NVL: variants seen among roughly 807,000 people sequenced by gnomAD.
The protein encoded by NVL is nuclear valosin-containing protein-like.
NVL carries 84 observed loss-of-function variants against 110.2 expected under a neutral mutation model. The ratio of observed to expected loss-of-function variants is 0.76; its 90% CI spans 0.64 to 0.91. The LOEUF is 0.91. Ranked by LOEUF, NVL falls within the 40% of genes least tolerant of loss-of-function variation. The probability of loss-of-function intolerance (pLI) is 0.00; values close to 1 mark genes in which losing one functional copy is unlikely to be tolerated. For synonymous variants in NVL, 354 were observed against 361.1 expected, an observed-to-expected ratio of 0.98 and a Z score of 0.22; for missense variants, 882 against 1,035.9, an observed-to-expected ratio of 0.85 and a Z score of 2.04.
chr1:224,263,317 T>G (rs1664165329), intron 18 of NVL, among the ~76,000 whole-genome samples: 1 of 152,230 alleles, frequency 6.6e-6, no homozygotes, highest in African/African-American at 2.4e-5. Flanking sequence ...GTAGGGCTGT[T>G]GTGAGGTTTA....
intron 14 of NVL, among the ~76,000 whole-genome samples, chr1:224,286,625 A>G (rs1666898760): frequency 6.6e-6 from 1 of 152,234 alleles, no homozygotes; most frequent in Non-Finnish European, 1.5e-5. Flanking sequence ...TTTATACTTG[A>G]ACATAATGTC....
chr1:224,233,568 A>G (rs1660144773), intron 20 of NVL, among the ~76,000 whole-genome samples: 1 of 152,056 alleles, frequency 6.6e-6, no homozygotes, highest in African/African-American at 2.4e-5. Context: ...GACTAGTCTC[A>G]GCAATATGGA....
chr1:224,301,678 C>T, intron 9 of NVL: 1 of 356,790 alleles, frequency 2.8e-6, no homozygotes, highest in Non-Finnish European at 5.5e-6. Context: ...TGCATGCCTG[C>T]AGTCCCAGTT....
chr1:224,267,906 AT>A lies in NVL; in HGVS notation c.2182+127del, dbSNP rs1320324591. ...CCAAATTTAATCTTCCTTTCCTAGG[AT>A]GCATGTGAATTATATTGTTTATAAA... On this transcript the variant is annotated intron_variant, in intron 18 of 22. Transcript: ENST00000281701. 71 of 640,168 alleles carry A rather than the reference AT, an allele frequency of 1.1e-4. No individual in the cohort carries two copies. The Middle Eastern group carries it at 2.3e-3, about 21-fold the overall frequency. 39.7% of individuals were successfully genotyped at this position (640,168 alleles called of 1,614,324 possible).
In NVL at chr1:224,287,875, G is replaced by A; in HGVS notation, c.1694C>T (p.Pro565Leu). 6.2e-7 allele frequency: 1 copy of A among 1,614,116 alleles called. No homozygotes were observed. Among genetic ancestry groups the A allele is most frequent in the East Asian group, 2.2e-5 (1 of 44,882 alleles). The stretch of plus-strand genomic sequence containing the variant: ...GACAAAGCCTTCCCTTTTGGCAGAG[G>A]GTTGGACTGAGGATAGAGCAACAAT... ...DFIVALSSVQPSAKREGFVTV... is the reference protein window; with the variant it reads ...DFIVALSSVQLSAKREGFVTV... Residue 565 changes from proline (P) to leucine (L), a missense_variant, in exon 14 of 23, where the codon CCC becomes CTC. Physicochemically the swap from Pro to Leu is moderately conservative, Grantham distance 98. This residue lies in a region of NVL where 416 missense variants were observed against 499.3 expected (regional missense o/e 0.83). Coordinates refer to ENST00000281701, the MANE Select transcript of NVL (RefSeq NM_002533.4).
chr1:224,274,004 T>C (rs1239867894), intron 17 of NVL, among the ~76,000 whole-genome samples: 2 of 147,996 alleles, frequency 1.4e-5, no homozygotes, highest in Non-Finnish European at 3.0e-5. Context: ...TTTAGCAAAA[T>C]GAGGCATGTA....
chr1:224,276,431 G>A (rs1214395023), intron 16 of NVL, among the ~76,000 whole-genome samples: 2 of 152,030 alleles, frequency 1.3e-5, no homozygotes, highest in Admixed American at 1.3e-4. Context: ...TAGAGATGGG[G>A]TTTCACCATG....
chr1:224,262,098 A>G (rs1216873421), intron 18 of NVL, among the ~76,000 whole-genome samples: 4 of 152,210 alleles, frequency 2.6e-5, no homozygotes, highest in African/African-American at 9.7e-5. Context: ...GAAAAAAATT[A>G]AAGGCAAGAA....
Position 224,308,256 on chromosome 1 carries a change from T to C in NVL, c.350A>G (p.Asn117Ser). The C allele has an allele frequency of 1.3e-6, 2 of 1,593,696 alleles. No individual in the cohort carries two copies. The highest frequency in any genetic ancestry group is 1.7e-6 in the Non-Finnish European group (2 of 1,172,424). The change falls in exon 6 of 23, where the codon AAT becomes AGT. Residue 117 changes from asparagine (N) to serine (S), a missense_variant. Around this residue, in one of 4 missense-constraint regions of NVL, gnomAD observed 274 missense variants for 268.4 expected, o/e 1.02. Transcript: ENST00000281701. ...MEDYPDPQSA[N>S]HMNSSLLSLY... ...AGACAGCAGGGAACTGTTCATGTGA[T>C]TTGCTGACTGGCAGAAAGATAAAAC...
chr1:224,254,573 T>TG (rs1405857851), intron 18 of NVL, among the ~76,000 whole-genome samples: 4 of 9,590 alleles, frequency 4.2e-4, no homozygotes, highest in Non-Finnish European at 2.5e-3. Context: ...GTTTTTTTTG[T>TG]TTTTTTTTTT....
chr1:224,300,019 A>T (rs1668246299), intron 10 of NVL, among the ~76,000 whole-genome samples: 1 of 152,234 alleles, frequency 6.6e-6, no homozygotes, highest in South Asian at 2.1e-4. Flanking sequence ...TCTTACAGCT[A>T]ATATTTACAG....
At chr1:224,325,382 G>A (rs1417681940) in intron 2 of NVL, among the ~76,000 whole-genome samples, 1 of 151,484 alleles carries the variant, frequency 6.6e-6, no homozygotes, top group African/African-American at 2.4e-5. Context: ...GACCAACCTG[G>A]GCAAATACAG....
At chr1:224,313,348 C>A (rs986761045) in intron 4 of NVL, among the ~76,000 whole-genome samples, 1 of 146,188 alleles carries the variant, frequency 6.8e-6, no homozygotes, top group African/African-American at 2.5e-5. Context: ...AAGAGTTAAA[C>A]ATAAAGAAAG....
chr1:224,282,065 C>T (rs1666410312), intron 15 of NVL, among the ~76,000 whole-genome samples: 1 of 147,806 alleles, frequency 6.8e-6, no homozygotes, highest in Non-Finnish European at 1.5e-5. Flanking sequence ...TTAAATTTCA[C>T]TTTAATTTTT....
chr1:224,308,386 A>G (rs1373036648), intron 5 of NVL, 123 bp from the exon 6 acceptor site: 3 of 849,670 alleles, frequency 3.5e-6, no homozygotes, highest in African/African-American at 1.7e-5. Flanking sequence ...CAGAACATTT[A>G]TAATCAGAAT....
intron 12 of NVL, among the ~76,000 whole-genome samples, chr1:224,290,568 C>T (rs950047340): frequency 6.6e-6 from 1 of 151,724 alleles, no homozygotes; most frequent in Non-Finnish European, 1.5e-5. Flanking sequence ...TTTGGGAGGC[C>T]GAGGCAGGCA....
intron 22 of NVL, 31 bp downstream of exon 22, chr1:224,231,195 C>T: frequency 6.7e-7 from 1 of 1,496,068 alleles, no homozygotes; most frequent in Non-Finnish European, 9.3e-7. Flanking sequence ...TTCTAGTTTC[C>T]TTTCTCTATG....
chr1:224,316,538 T>C (rs1670080863), intron 4 of NVL, among the ~76,000 whole-genome samples: 1 of 134,784 alleles, frequency 7.4e-6, no homozygotes, highest in Admixed American at 8.0e-5. Context: ...ATTAGCTAGG[T>C]GTGGTAGCAT....
intron 18 of NVL, among the ~76,000 whole-genome samples, chr1:224,254,136 G>C (rs1415713409): frequency 6.6e-6 from 1 of 152,026 alleles, no homozygotes; most frequent in Non-Finnish European, 1.5e-5. Flanking sequence ...CTGTCGCCCA[G>C]GCTGGAGTGC....
Sources: gnomAD v4.1 joint callset for allele counts (sites outside exome capture counted in the v4.1 genomes callset) on GRCh38, gnomAD v4.1.1 for gene constraint, gnomAD v4.1.1 regional missense constraint, MANE v1.5 for transcripts, NCBI Gene and HGNC (gene_info 2026-07-23, HGNC 2026-07-21) for gene names.